The following ADCY2 variants were observed in gnomAD, a reference collection of about 807,000 sequenced individuals.
ADCY2 encodes the protein adenylate cyclase 2.
A neutral mutation model predicts 125.2 loss-of-function variants in ADCY2; 31 were observed. The observed-to-expected ratio is 0.25, with a 90% CI of 0.19 to 0.33. The LOEUF (loss-of-function observed/expected upper bound fraction) is 0.33, where lower values mean the gene tolerates loss of function less well. Among genes scored for constraint, ADCY2 ranks in the 10% least tolerant of loss-of-function variants. The pLI is 1.00. For missense variants in ADCY2, 904 were observed against 1,418.2 expected (o/e 0.64, Z 5.82); for synonymous variants, 512 against 548.4 (o/e 0.93, Z 0.93).
At chr5:7,693,115 C>A (rs775675881) in intron 5 of ADCY2, among the ~76,000 whole-genome samples, 20 of 152,164 alleles carry the variant, frequency 1.3e-4, no homozygotes, top group Admixed American at 2.6e-4. Context: ...CAATGCCCCC[C>A]ACAACATCAA....
At chr5:7,644,277 C>T (rs1335633863) in intron 4 of ADCY2, among the ~76,000 whole-genome samples, 1 of 152,240 alleles carries the variant, frequency 6.6e-6, no homozygotes, top group East Asian at 1.9e-4. Context: ...CCATCCTCCT[C>T]CTTGATTTCC....
intron 18 of ADCY2, among the ~76,000 whole-genome samples, chr5:7,778,072 A>C (rs1242480549): frequency 1.3e-5 from 2 of 152,194 alleles, no homozygotes; most frequent in Non-Finnish European, 1.5e-5. Context: ...TGTGGTTCCT[A>C]TCTATGACAC....
intron 3 of ADCY2, among the ~76,000 whole-genome samples, chr5:7,623,844 G>A (rs1259340817): frequency 1.3e-5 from 2 of 152,090 alleles, no homozygotes; most frequent in African/African-American, 2.4e-5. Flanking sequence ...TTACACACAA[G>A]TTATATGCAT....
intron 4 of ADCY2, among the ~76,000 whole-genome samples, chr5:7,689,859 A>G (rs918389510): frequency 2.6e-5 from 4 of 152,234 alleles, no homozygotes; most frequent in African/African-American, 4.8e-5. Flanking sequence ...GCTTTCTAAA[A>G]TGGATTAACA....
At chr5:7,543,351 TTTAA>T (rs1177503486) in intron 3 of ADCY2, among the ~76,000 whole-genome samples, 31 of 152,312 alleles carry the variant, frequency 2.0e-4, no homozygotes, top group Admixed American at 1.8e-3. Flanking sequence ...TGATTAATAT[TTTAA>T]TTAATTGGAT....
chr5:7,532,525 TC>T (rs1240328067), intron 3 of ADCY2, among the ~76,000 whole-genome samples: 1 of 152,218 alleles, frequency 6.6e-6, no homozygotes, highest in Admixed American at 6.5e-5. Flanking sequence ...GACACATTTG[TC>T]TAATTTTTTA....
chr5:7,611,711 G>A (rs561048387), intron 3 of ADCY2, among the ~76,000 whole-genome samples: 1 of 152,164 alleles, frequency 6.6e-6, no homozygotes, highest in South Asian at 2.1e-4. Context: ...GAGGGTTGGG[G>A]GTTTATCTCT....
At chr5:7,589,506 G>GAAAGAAAAGAAAAGAAAAGA (rs398108564) in intron 3 of ADCY2, among the ~76,000 whole-genome samples, 46 of 93,824 alleles carry the variant, frequency 4.9e-4, no homozygotes, top group African/African-American at 1.6e-3. Context: ...AAGAAAGAAA[G>GAAAGAAAAGAAAAGAAAAGA]AAAGAAAAGA....
At chr5:7,790,592 G>T (rs1348309435) in intron 20 of ADCY2, among the ~76,000 whole-genome samples, 1 of 152,216 alleles carries the variant, frequency 6.6e-6, no homozygotes, top group African/African-American at 2.4e-5. Context: ...CATTTCTGTG[G>T]TGTTTCCCAG....
intron 1 of ADCY2, among the ~76,000 whole-genome samples, chr5:7,400,511 T>G (rs953968124): frequency 2.0e-5 from 3 of 152,222 alleles, no homozygotes; most frequent in Non-Finnish European, 4.4e-5. Context: ...TAGCTAATTA[T>G]TTGTAGAGGC....
At chr5:7,418,264 G>T (rs1328883149) in intron 2 of ADCY2, among the ~76,000 whole-genome samples, 1 of 152,102 alleles carries the variant, frequency 6.6e-6, no homozygotes, top group Non-Finnish European at 1.5e-5. Context: ...CGCCACTGGG[G>T]CCCTGGATCG....
At chr5:7,423,931 A>G (rs566882952) in intron 2 of ADCY2, among the ~76,000 whole-genome samples, 10 of 151,900 alleles carry the variant, frequency 6.6e-5, no homozygotes, top group African/African-American at 2.2e-4. Context: ...TTCTCCTCCC[A>G]CCCCCATCTC....
intron 4 of ADCY2, among the ~76,000 whole-genome samples, chr5:7,684,529 G>T (rs1265753777): frequency 6.6e-6 from 1 of 152,208 alleles, no homozygotes; most frequent in Non-Finnish European, 1.5e-5. Flanking sequence ...AATTTGACTT[G>T]ATTAGCACTT....
At chr5:7,649,458 A>G (rs1043118023) in intron 4 of ADCY2, among the ~76,000 whole-genome samples, 29 of 152,246 alleles carry the variant, frequency 1.9e-4, no homozygotes, top group Non-Finnish European at 1.8e-4. Context: ...TAGAGAGAGG[A>G]AGAGAAGAAT....
At chr5:7,781,778 T>C (rs904973010) in intron 18 of ADCY2, among the ~76,000 whole-genome samples, 5 of 152,232 alleles carry the variant, frequency 3.3e-5, no homozygotes, top group African/African-American at 1.2e-4. Context: ...GGGATTTTAA[T>C]GTACCTCTCC....
At chr5:7,810,965 C>T (rs1744923337) in intron 22 of ADCY2, among the ~76,000 whole-genome samples, 1 of 152,124 alleles carries the variant, frequency 6.6e-6, no homozygotes, top group Admixed American at 6.5e-5. Context: ...GAACTGAAGT[C>T]AAAAGCAAAG....
intron 3 of ADCY2, among the ~76,000 whole-genome samples, chr5:7,601,863 T>G (rs1425123518): frequency 1.3e-5 from 2 of 152,184 alleles, no homozygotes; most frequent in East Asian, 3.9e-4. Context: ...TACTACAAAC[T>G]TGGTGACTTA....
At chr5:7,637,607 A>G (rs1461326408) in intron 4 of ADCY2, among the ~76,000 whole-genome samples, 1 of 152,170 alleles carries the variant, frequency 6.6e-6, no homozygotes, top group Admixed American at 6.5e-5. Context: ...AGTTATTTTA[A>G]AATAGGCAAA....
At chr5:7,791,051 T>TG (rs1457427912) in intron 20 of ADCY2, among the ~76,000 whole-genome samples, 4 of 137,346 alleles carry the variant, frequency 2.9e-5, no homozygotes, top group South Asian at 5.0e-4. Flanking sequence ...AGTTTTTTTT[T>TG]GGGGGGGTGT....
Sources: allele counts gnomAD v4.1 joint callset (sites outside exome capture counted in the v4.1 genomes callset), GRCh38; gene constraint gnomAD v4.1.1; transcripts MANE v1.5; gene names NCBI Gene and HGNC (gene_info 2026-07-23, HGNC 2026-07-21).